ARHGEF12: variants seen among roughly 807,000 people sequenced by gnomAD.
The protein encoded by ARHGEF12 is KMT2A/ARHGEF12 fusion protein.
In ARHGEF12, 66 loss-of-function variants were observed where a neutral mutation model predicts 211.2. The observed-to-expected ratio is 0.31, with a 90% CI of 0.26 to 0.38. ARHGEF12 has a LOEUF of 0.38. Ranked by LOEUF, ARHGEF12 falls within the 10% of genes least tolerant of loss-of-function variation. ARHGEF12 has a pLI of 1.00. For synonymous variants in ARHGEF12, 592 were observed against 638.4 expected (o/e 0.93, Z 1.09); for missense variants, 1,429 against 1,869.5 (o/e 0.76, Z 4.34).
chr11:120,457,897 C>CTGTATTT, intron 24 of ARHGEF12, 141 bp downstream of exon 24: 1 of 1,140,814 alleles, frequency 8.8e-7, no homozygotes, highest in South Asian at 1.6e-5. Flanking sequence ...TTAAGAAACA[C>CTGTATTT]TGGTCATTCA....
intron 1 of ARHGEF12, among the ~76,000 whole-genome samples, chr11:120,390,765 G>T (rs1944188872): frequency 6.6e-6 from 1 of 152,126 alleles, no homozygotes; most frequent in African/African-American, 2.4e-5. Context: ...TAGTCCAGGG[G>T]TTGAAAGCAA....
In ARHGEF12 at chr11:120,484,615, G is replaced by T. The variant is rs1947350751; in HGVS notation, c.4624+108G>T. The T allele has an allele frequency of 4.9e-6, 5 of 1,018,912 alleles. No homozygotes were observed. The South Asian group carries it at 7.4e-5, about 15-fold the overall frequency. The allele number at this position is 1,018,912 out of a possible 1,614,324, so 63.1% of individuals were successfully genotyped here. On this transcript the variant is annotated intron_variant, in intron 40 of 40. Coordinates refer to ENST00000397843, the MANE Select transcript of ARHGEF12 (RefSeq NM_015313.3). ...CCTTCTGAGATTCCATTTCTCTTCT[G>T]TCTTTAAAGAACTGCCTGTTTCTAA... is the stretch of plus-strand genomic sequence containing the variant.
chr11:120,336,894 C>A lies in ARHGEF12; in HGVS notation c.-350C>A. 1 of 423,536 alleles carries A rather than the reference C, an allele frequency of 2.4e-6. No homozygotes were observed. The highest frequency in any genetic ancestry group is 4.1e-6 in the Non-Finnish European group (1 of 241,204). The allele number at this position is 423,536 out of a possible 1,614,324, so 26.2% of individuals were successfully genotyped here. On this transcript the variant is annotated 5_prime_UTR_variant, in exon 1 of 41. Coordinates refer to ENST00000397843, the MANE Select transcript of ARHGEF12 (RefSeq NM_015313.3). ...CCGACACCCGTCCGTGAGCTGATCC[C>A]GCCCCAGCCCCGGCGGGAGTCCCGG...
At chr11:120,382,074 T>G (rs1943893141) in intron 1 of ARHGEF12, among the ~76,000 whole-genome samples, 1 of 152,226 alleles carries the variant, frequency 6.6e-6, no homozygotes, top group Admixed American at 6.5e-5. Context: ...ATAATTTGTT[T>G]TTTCATTCCC....
chr11:120,373,056 A>AT (rs1186696749), intron 1 of ARHGEF12, among the ~76,000 whole-genome samples: 2 of 152,204 alleles, frequency 1.3e-5, no homozygotes, highest in African/African-American at 4.8e-5. Context: ...TCTAAGTATA[A>AT]CAATGCTTTA....
intron 15 of ARHGEF12, 64 bp from the exon 16 acceptor site, chr11:120,445,358 G>C (rs1471029512): frequency 3.3e-6 from 5 of 1,534,760 alleles, no homozygotes; most frequent in Non-Finnish European, 3.6e-6. Context: ...CTTTACAGAA[G>C]TACTTATGTA....
chr11:120,434,720 C>A (rs1209252193), intron 11 of ARHGEF12, among the ~76,000 whole-genome samples: 1 of 152,148 alleles, frequency 6.6e-6, no homozygotes, highest in Non-Finnish European at 1.5e-5. Flanking sequence ...CCAGTTCTCA[C>A]AAGAGAAGCA....
intron 1 of ARHGEF12, among the ~76,000 whole-genome samples, chr11:120,369,172 A>G (rs1028890696): frequency 3.1e-5 from 4 of 129,048 alleles, no homozygotes; most frequent in Admixed American, 2.9e-4. Context: ...TCTGTCCCCC[A>G]GTCTGGAGTG....
chr11:120,369,845 T>C (rs1021118012), intron 1 of ARHGEF12, among the ~76,000 whole-genome samples: 1 of 152,194 alleles, frequency 6.6e-6, no homozygotes, highest in Non-Finnish European at 1.5e-5. Flanking sequence ...TAGTGTTATC[T>C]TTTTGGGGGA....
chr11:120,344,891 G>C (rs987733398), intron 1 of ARHGEF12, among the ~76,000 whole-genome samples: 1 of 152,198 alleles, frequency 6.6e-6, no homozygotes, highest in African/African-American at 2.4e-5. Context: ...TATTAAACTT[G>C]ATTTCTGTAA....
intron 10 of ARHGEF12, among the ~76,000 whole-genome samples, chr11:120,430,258 G>A (rs906796255): frequency 4.6e-5 from 7 of 152,032 alleles, no homozygotes; most frequent in Non-Finnish European, 2.9e-5. Context: ...TATTTAATCT[G>A]CATAACATCT....
chr11:120,392,386 TA>T (rs917168235), intron 1 of ARHGEF12, among the ~76,000 whole-genome samples: 3 of 152,206 alleles, frequency 2.0e-5, no homozygotes, highest in East Asian at 1.9e-4. Context: ...TTGGTACAAT[TA>T]TTTTTTTGTG....
At chr11:120,407,264 G>A (rs1430128021) in intron 2 of ARHGEF12, among the ~76,000 whole-genome samples, 1 of 152,190 alleles carries the variant, frequency 6.6e-6, no homozygotes, top group African/African-American at 2.4e-5. Flanking sequence ...TCTGTGGCTA[G>A]AACTACATCA....
chr11:120,419,404 TTTTC>T (rs921868718), intron 4 of ARHGEF12, among the ~76,000 whole-genome samples: 3 of 151,970 alleles, frequency 2.0e-5, no homozygotes, highest in Admixed American at 6.5e-5. Flanking sequence ...TCTGTTTTCT[TTTTC>T]TTTCTTTCTT....
intron 1 of ARHGEF12, among the ~76,000 whole-genome samples, chr11:120,366,982 C>T (rs879700291): frequency 2.0e-5 from 3 of 151,840 alleles, no homozygotes; most frequent in Non-Finnish European, 4.4e-5. Context: ...TGTCACTGCA[C>T]TCCAGCCTGG....
chr11:120,358,214 A>G (rs930928382), intron 1 of ARHGEF12, among the ~76,000 whole-genome samples: 17 of 152,182 alleles, frequency 1.1e-4, no homozygotes, highest in South Asian at 4.1e-4. Context: ...TCAGTAATCC[A>G]TATGAAAAAT....
At chr11:120,400,588 A>G (rs2135545202) in intron 1 of ARHGEF12, among the ~76,000 whole-genome samples, 1 of 152,358 alleles carries the variant, frequency 6.6e-6, no homozygotes, top group South Asian at 2.1e-4. Flanking sequence ...CTTTTAAGGA[A>G]TATTCACAAA....
chr11:120,439,980 A>T (rs1945822103), intron 12 of ARHGEF12, 149 bp from the exon 13 acceptor site: 2 of 618,054 alleles, frequency 3.2e-6, no homozygotes, highest in South Asian at 4.4e-5. Context: ...GTGAACCCCT[A>T]CTTTGAAAAT....
At chr11:120,379,458 G>A (rs1943818366) in intron 1 of ARHGEF12, among the ~76,000 whole-genome samples, 1 of 151,462 alleles carries the variant, frequency 6.6e-6, no homozygotes, top group African/African-American at 2.4e-5. Context: ...CAGACATGTA[G>A]ACATCTTTTC....
Sources: allele counts gnomAD v4.1 joint callset (sites outside exome capture counted in the v4.1 genomes callset), GRCh38; gene constraint gnomAD v4.1.1; transcripts MANE v1.5; gene names NCBI Gene and HGNC (gene_info 2026-07-23, HGNC 2026-07-21).